Variants in TP63 observed in about 807,000 individuals in gnomAD.
TP63 encodes the protein tumor protein p63.
Under a neutral mutation model 82.8 loss-of-function variants are expected in TP63, and 17 were observed. The observed-to-expected ratio is 0.21, with a 90% CI of 0.14 to 0.31. The LOEUF (loss-of-function observed/expected upper bound fraction) is 0.31, where lower values mean the gene tolerates loss of function less well. Among genes scored for constraint, TP63 ranks in the 10% least tolerant of loss-of-function variants. The probability of loss-of-function intolerance (pLI) is 1.00; values close to 1 mark genes in which losing one functional copy is unlikely to be tolerated. For synonymous variants in TP63, 330 were observed against 321.7 expected (o/e 1.03, Z -0.28); for missense variants, 648 against 895.3 (o/e 0.72, Z 3.52).
At chr3:189,663,566 C>T (rs1398775609) in intron 1 of TP63, among the ~76,000 whole-genome samples, 1 of 115,220 alleles carries the variant, frequency 8.7e-6, no homozygotes, top group African/African-American at 3.2e-5. Flanking sequence ...CTCACTCTGT[C>T]ACCCAGGCTG....
At chr3:189,881,923 GA>G (rs1389204605) in intron 10 of TP63, among the ~76,000 whole-genome samples, 6 of 150,212 alleles carry the variant, frequency 4.0e-5, no homozygotes, top group African/African-American at 1.2e-4. Flanking sequence ...TATTTGGCCA[GA>G]AATCAACAGT....
chr3:189,865,698 T>C (rs2108799778), intron 5 of TP63, among the ~76,000 whole-genome samples: 1 of 152,318 alleles, frequency 6.6e-6, no homozygotes, highest in South Asian at 2.1e-4. Flanking sequence ...AAAACTATTT[T>C]TTACACATTA....
In TP63 at chr3:189,836,498, G is replaced by A. The variant is rs979712287; in HGVS notation, c.580-27734G>A. 3.3e-5 allele frequency among the ~76,000 whole-genome samples: 5 copies of A among 152,284 alleles called. No individual in the cohort carries two copies. The East Asian group carries it at 9.7e-4, about 29-fold the overall frequency. The stretch of plus-strand genomic sequence containing the variant: ...TAACCTGTAGAAATGATTACGTAGT[G>A]TAATTTGGTTATTTAATATAATTTG... On this transcript the variant is annotated intron_variant, in intron 4 of 13. Coordinates refer to ENST00000264731, the MANE Select transcript of TP63 (RefSeq NM_003722.5).
At chr3:189,820,697 A>G (rs1199855009) in intron 4 of TP63, among the ~76,000 whole-genome samples, 1 of 152,230 alleles carries the variant, frequency 6.6e-6, no homozygotes, top group Non-Finnish European at 1.5e-5. Context: ...ATGGTTTTGT[A>G]GCTCTGATGG....
intron 3 of TP63, among the ~76,000 whole-genome samples, chr3:189,781,854 GTAAAGT>G (rs892925883): frequency 3.3e-5 from 5 of 152,188 alleles, no homozygotes; most frequent in African/African-American, 1.2e-4. Context: ...GACATCTGAT[GTAAAGT>G]TGAGAGGGAA....
intron 1 of TP63, among the ~76,000 whole-genome samples, chr3:189,714,060 A>G (rs953469544): frequency 4.6e-5 from 7 of 151,948 alleles, no homozygotes; most frequent in East Asian, 1.9e-4. Flanking sequence ...GGATTTTCCA[A>G]CTCTTCATTT....
At chr3:189,628,984 A>G (rs1446924014), upstream of TP63, among the ~76,000 whole-genome samples, 1 of 152,110 alleles carries the variant, frequency 6.6e-6, no homozygotes, top group Non-Finnish European at 1.5e-5. Context: ...TGTTCCTCTT[A>G]GCTTAGTAAC....
In TP63 at chr3:189,649,896, A is replaced by T. The variant is rs143926320; in HGVS notation, c.62+18319A>T. On this transcript the variant is annotated intron_variant, in intron 1 of 13. Coordinates refer to ENST00000264731, the MANE Select transcript of TP63 (RefSeq NM_003722.5). The stretch of plus-strand genomic sequence containing the variant: ...ATGTGACGTGTAGGTAAAAGTAATG[A>T]TTAACTTTTTTTCAAAGGATTTTAT... Among the ~76,000 whole-genome samples the T allele has an allele frequency of 1.8e-4, 27 of 146,678 alleles. 3 individuals carry two copies. The highest frequency in any genetic ancestry group is 6.6e-4 in the African/African-American group (26 of 39,234).
Position 189,895,824 on chromosome 3 carries a change from G to A in TP63, c.*1322G>A. ...GGTGATTTGAAAAATATAAAATTAT[G>A]AGATTGGTTTTCCTGTGGCATAAAT... On this transcript the variant is annotated 3_prime_UTR_variant, in exon 14 of 14. Transcript: ENST00000264731. The A allele has an allele frequency of 1.3e-5, 3 of 225,640 alleles. No homozygotes were observed. The highest frequency in any genetic ancestry group is 2.6e-5 in the Non-Finnish European group (3 of 113,418). 14.0% of individuals were successfully genotyped at this position (225,640 alleles called of 1,614,324 possible).
chr3:189,653,117 A>G (rs775031300), intron 1 of TP63, among the ~76,000 whole-genome samples: 4 of 152,176 alleles, frequency 2.6e-5, no homozygotes, highest in Non-Finnish European at 4.4e-5. Context: ...GAAAATAGGA[A>G]ATAAATGGAG....
intron 3 of TP63, among the ~76,000 whole-genome samples, chr3:189,788,709 G>C (rs531525476): frequency 2.0e-5 from 3 of 151,832 alleles, no homozygotes; most frequent in Non-Finnish European, 2.9e-5. Flanking sequence ...CTAAATCTTC[G>C]TACCAAGGCC....
intron 1 of TP63, among the ~76,000 whole-genome samples, chr3:189,715,533 A>G (rs1431950528): frequency 1.3e-5 from 2 of 152,192 alleles, no homozygotes; most frequent in Non-Finnish European, 1.5e-5. Context: ...TCAGCAAAAG[A>G]TGATTGTAAT....
rs953309420 is a variant in TP63 at position 189,654,042 on chromosome 3, T to A, written c.62+22465T>A. ...ATAATGACTAGAACCTCTCTCTTCA[T>A]GCATTTATGTTATTCTCAGTAAATA... On this transcript the variant is annotated intron_variant, in intron 1 of 13. Coordinates refer to ENST00000264731, the MANE Select transcript of TP63 (RefSeq NM_003722.5). 1.3e-4 allele frequency among the ~76,000 whole-genome samples: 20 copies of A among 152,196 alleles called. 1 individual carries two copies. The highest frequency in any genetic ancestry group is 4.8e-4 in the African/African-American group (20 of 41,472).
intron 4 of TP63, among the ~76,000 whole-genome samples, chr3:189,850,610 G>A (rs891969825): frequency 6.6e-6 from 1 of 152,086 alleles, no homozygotes; most frequent in Admixed American, 6.5e-5. Context: ...ATAGCGTTAG[G>A]AGATATACCT....
At chr3:189,873,343 A>T (rs552406137) in intron 10 of TP63, 5 of 349,376 alleles carry the variant, frequency 1.4e-5, no homozygotes, top group Non-Finnish European at 2.7e-5. Flanking sequence ...TGAAAACATG[A>T]AATCTTTTCT....
Position 189,808,449 on chromosome 3 carries a change from A to C in TP63, c.502A>C (p.Asn168His), listed in dbSNP as rs1228592371. The C allele has an allele frequency of 6.2e-7, 1 of 1,613,918 alleles. No homozygotes were observed. The highest frequency in any genetic ancestry group is 8.5e-7 in the Non-Finnish European group (1 of 1,180,002). The change falls in exon 4 of 14, where the codon AAC becomes CAC. Residue 168 changes from asparagine to histidine, a missense_variant. Asn to His is a moderately conservative substitution (Grantham distance 68). This residue lies in a region of TP63 where 64 missense variants were observed against 144.2 expected (regional missense o/e 0.44). Coordinates refer to ENST00000264731, the MANE Select transcript of TP63 (RefSeq NM_003722.5). ...ALSPSPAIPS[N>H]TDYPGPHSFD... The stretch of plus-strand genomic sequence containing the variant: ...CTCTCCATCACCCGCCATCCCCTCC[A>C]ACACCGACTACCCAGGCCCGCACAG...
chr3:189,674,368 C>T (rs1715201328), intron 1 of TP63, among the ~76,000 whole-genome samples: 1 of 151,982 alleles, frequency 6.6e-6, no homozygotes, highest in Admixed American at 6.6e-5. Context: ...TTCTGGTTCC[C>T]TCAAAAACAG....
chr3:189,615,038 C>G, the TP63 span, among the ~76,000 whole-genome samples: 2 of 152,362 alleles, frequency 1.3e-5, no homozygotes, highest in East Asian at 3.9e-4. Context: ...GTGTTCCACT[C>G]TTGTCCCACA....
intron 1 of TP63, among the ~76,000 whole-genome samples, chr3:189,688,629 C>T (rs1056138272): frequency 6.6e-6 from 1 of 152,112 alleles, no homozygotes; most frequent in Non-Finnish European, 1.5e-5. Flanking sequence ...GTCAATGCTG[C>T]AGGGGTTTAT....
Sources: allele counts gnomAD v4.1 joint callset (sites outside exome capture counted in the v4.1 genomes callset), GRCh38; gene constraint gnomAD v4.1.1; regional missense constraint gnomAD v4.1.1; transcripts MANE v1.5; gene names NCBI Gene and HGNC (gene_info 2026-07-23, HGNC 2026-07-21).